Variants in LZTS1 observed in about 807,000 individuals in gnomAD.
The protein encoded by LZTS1 is leucine zipper putative tumor suppressor 1.
LZTS1 carries 31 observed loss-of-function variants against 45.8 expected under a neutral mutation model. The ratio of observed to expected loss-of-function variants is 0.68; its 90% confidence interval spans 0.51 to 0.91. The LOEUF (loss-of-function observed/expected upper bound fraction) is 0.91, where lower values mean the gene tolerates loss of function less well. Among genes scored for constraint, LZTS1 ranks in the 40% least tolerant of loss-of-function variants. The probability of loss-of-function intolerance (pLI) is 0.00; values close to 1 mark genes in which losing one functional copy is unlikely to be tolerated. For missense variants in LZTS1, 821 were observed against 788.9 expected (o/e 1.04, Z -0.49); for synonymous variants, 359 against 357.3 (o/e 1.00, Z -0.05).
chr8:20,264,556 T>C (rs1263037828), intron 1 of LZTS1, among the ~76,000 whole-genome samples: 4 of 152,088 alleles, frequency 2.6e-5, no homozygotes, highest in Non-Finnish European at 5.9e-5. Context: ...GAAGTTGCTG[T>C]TACTCAGAAG....
rs371854944 is a variant in LZTS1 at position 20,252,805 on chromosome 8, C to T, written c.1126G>A (p.Ala376Thr). Residue 376 changes from alanine to threonine, a missense_variant, in exon 3 of 4, where the codon GCG becomes ACG. Physicochemically the swap from Ala to Thr is moderately conservative, Grantham distance 58. Transcript: ENST00000381569. ...YEREKTSFGPALEETQWEVCQ... is the reference protein window; with the variant it reads ...YEREKTSFGPTLEETQWEVCQ... ...ACCTCCCACTGGGTCTCCTCCAGCGCGGGGCCGAAGCTGGTCTTCTCCCTC... is the reference window on the plus strand; with the variant it reads ...ACCTCCCACTGGGTCTCCTCCAGCGTGGGGCCGAAGCTGGTCTTCTCCCTC... 49 of 1,529,360 alleles carry T rather than the reference C, an allele frequency of 3.2e-5. No individual in the cohort carries two copies. The highest frequency in any genetic ancestry group is 2.8e-4 in the African/African-American group (20 of 72,110). 94.7% of individuals were successfully genotyped at this position (1,529,360 alleles called of 1,614,324 possible). A position where few individuals can be genotyped will look rare whatever the true frequency, so the allele number is the denominator to read the frequency against.
At chr8:20,297,173 C>A (rs1258367999) in intron 1 of LZTS1, among the ~76,000 whole-genome samples, 1 of 152,128 alleles carries the variant, frequency 6.6e-6, no homozygotes, top group African/African-American at 2.4e-5. Context: ...CGTACTTGCT[C>A]ATGGACAAGG....
At chr8:20,253,608 T>C (rs1170455929) in intron 2 of LZTS1, 23 bp from the exon 3 acceptor site, 3 of 1,421,358 alleles carry the variant, frequency 2.1e-6, no homozygotes, top group Non-Finnish European at 9.2e-7. Context: ...AGGACCGCGG[T>C]GACTCATGCC....
At chr8:20,252,670 C>T (rs1799959340) in intron 3 of LZTS1, 112 bp downstream of exon 3, 4 of 931,040 alleles carry the variant, frequency 4.3e-6, no homozygotes, top group Admixed American at 2.9e-5. Flanking sequence ...ACATTAGCCC[C>T]GCTTGCCTGC....
chr8:20,263,813 G>A (rs913376811), intron 1 of LZTS1, among the ~76,000 whole-genome samples: 1 of 152,234 alleles, frequency 6.6e-6, no homozygotes, highest in Middle Eastern at 3.4e-3. Flanking sequence ...AGTGTCTCCC[G>A]AAGGCTCGCC....
chr8:20,261,081 T>C (rs1800218530), intron 1 of LZTS1, among the ~76,000 whole-genome samples: 1 of 152,160 alleles, frequency 6.6e-6, no homozygotes, highest in South Asian at 2.1e-4. Flanking sequence ...AACAGACACA[T>C]TTTTATTTCT....
chr8:20,302,557 T>G (rs2128900501), intron 1 of LZTS1, among the ~76,000 whole-genome samples: 1 of 152,316 alleles, frequency 6.6e-6, no homozygotes, highest in South Asian at 2.1e-4. Flanking sequence ...CATCTCTTTG[T>G]GGCTGGGCTC....
intron 1 of LZTS1, among the ~76,000 whole-genome samples, chr8:20,293,294 A>G (rs758290111): frequency 1.3e-5 from 2 of 152,100 alleles, no homozygotes; most frequent in African/African-American, 2.4e-5. Context: ...CCAGCTGAGT[A>G]TGCAAGGTGG....
At chr8:20,263,086 A>C (rs1160944127) in intron 1 of LZTS1, among the ~76,000 whole-genome samples, 2 of 152,184 alleles carry the variant, frequency 1.3e-5, no homozygotes, top group Non-Finnish European at 2.9e-5. Context: ...CTTTCTCATT[A>C]TTATTCCCCA....
At chr8:20,300,617 C>T (rs566238775) in intron 1 of LZTS1, among the ~76,000 whole-genome samples, 2 of 152,178 alleles carry the variant, frequency 1.3e-5, no homozygotes, top group African/African-American at 4.8e-5. Flanking sequence ...CAAGCGTGAG[C>T]CACAGCGCCC....
intron 1 of LZTS1, among the ~76,000 whole-genome samples, chr8:20,286,013 T>C (rs1052982846): frequency 3.3e-5 from 5 of 152,312 alleles, no homozygotes; most frequent in Admixed American, 2.0e-4. Context: ...TTCCAGATGA[T>C]TGTAGATACA....
chr8:20,265,666 G>C (rs1800338567), intron 1 of LZTS1, among the ~76,000 whole-genome samples: 1 of 93,580 alleles, frequency 1.1e-5, no homozygotes. Flanking sequence ...GCAACAGAGA[G>C]ACTCTGTCTC....
intron 1 of LZTS1, among the ~76,000 whole-genome samples, chr8:20,293,015 T>A (rs1016260211): frequency 6.6e-6 from 1 of 152,138 alleles, no homozygotes; most frequent in African/African-American, 2.4e-5. Context: ...GACCTTGGAT[T>A]AGGAACTTCC....
chr8:20,260,831 C>A (rs901158423), intron 1 of LZTS1, among the ~76,000 whole-genome samples: 2 of 152,176 alleles, frequency 1.3e-5, no homozygotes, highest in Admixed American at 1.3e-4. Context: ...TATCCCTTAG[C>A]CCCGATACCC....
At chr8:20,277,892 T>G (rs138215757) in intron 1 of LZTS1, among the ~76,000 whole-genome samples, 162 of 152,294 alleles carry the variant, frequency 1.1e-3, no homozygotes, top group African/African-American at 3.8e-3. Context: ...GAGGGAAGGC[T>G]GGGAGCAGGA....
At chr8:20,260,485 C>T (rs901199339) in intron 1 of LZTS1, among the ~76,000 whole-genome samples, 1 of 152,150 alleles carries the variant, frequency 6.6e-6, no homozygotes, top group South Asian at 2.1e-4. Flanking sequence ...GCCCAAATGC[C>T]ACAATCTCCA....
At chr8:20,284,227 A>G (rs1054694135) in intron 1 of LZTS1, among the ~76,000 whole-genome samples, 1 of 152,206 alleles carries the variant, frequency 6.6e-6, no homozygotes, top group Admixed American at 6.5e-5. Flanking sequence ...GAAGAGAGAA[A>G]GGATTGTTGG....
In LZTS1 at chr8:20,247,373, G is replaced by C. The variant is rs140975014; in HGVS notation, c.*2349C>G. 6.5e-6 allele frequency: 1 copy of C among 152,762 alleles called. No homozygotes were observed. The highest frequency in any genetic ancestry group is 6.5e-5 in the Admixed American group (1 of 15,278). The allele number at this position is 152,762 out of a possible 1,614,324, so 9.5% of individuals were successfully genotyped here. On this transcript the variant is annotated 3_prime_UTR_variant, in exon 4 of 4. Transcript: ENST00000381569. ...GGGGGGGGGTCTCCAGCCTGGGGAG[G>C]GGGAGCCAGCCCTTTCCTCTGTCTC...
chr8:20,253,647 C>T (rs1800012631), intron 2 of LZTS1, 62 bp from the exon 3 acceptor site: 1 of 1,323,368 alleles, frequency 7.6e-7, no homozygotes, highest in African/African-American at 1.5e-5. Context: ...CACCCTCCCT[C>T]CCCAGGCACG....
Sources: gnomAD v4.1 joint callset for allele counts (sites outside exome capture counted in the v4.1 genomes callset) on GRCh38, gnomAD v4.1.1 for gene constraint, MANE v1.5 for transcripts, NCBI Gene and HGNC (gene_info 2026-07-23, HGNC 2026-07-21) for gene names.